BRINP3: variants seen among roughly 807,000 people sequenced by gnomAD.
BRINP3 encodes BMP/retinoic acid inducible neural specific 3, also known as BMP/retinoic acid-inducible neural-specific protein 3.
BRINP3 carries 19 observed loss-of-function variants against 71.0 expected under a neutral mutation model. The ratio of observed to expected loss-of-function variants is 0.27; its 90% confidence interval spans 0.19 to 0.39. The LOEUF (loss-of-function observed/expected upper bound fraction) is 0.39. Among genes scored for constraint, BRINP3 ranks in the 10% least tolerant of loss-of-function variants. The pLI is 1.00. For missense variants in BRINP3, 959 were observed against 940.8 expected (o/e 1.02, Z -0.25); for synonymous variants, 380 against 337.7 (o/e 1.13, Z -1.37).
chr1:190,131,801 G>A (rs564572929), intron 7 of BRINP3, among the ~76,000 whole-genome samples: 2 of 151,922 alleles, frequency 1.3e-5, no homozygotes, highest in African/African-American at 4.8e-5. Context: ...CTTTTTCTTT[G>A]AATTTATGAG....
At chr1:190,380,987 C>T (rs966348936) in intron 2 of BRINP3, among the ~76,000 whole-genome samples, 19 of 151,798 alleles carry the variant, frequency 1.3e-4, no homozygotes, top group African/African-American at 4.6e-4. Flanking sequence ...TATTTTTTAC[C>T]ATTGAGAAAT....
At chr1:190,099,447 C>T (rs143006699) in intron 7 of BRINP3, among the ~76,000 whole-genome samples, 139 of 152,222 alleles carry the variant, frequency 9.1e-4, no homozygotes, top group African/African-American at 3.3e-3. Flanking sequence ...CATGCTATCT[C>T]ATTAGTGCAC....
chr1:190,193,181 T>C (rs1265575491), intron 6 of BRINP3, among the ~76,000 whole-genome samples: 1 of 152,070 alleles, frequency 6.6e-6, no homozygotes, highest in African/African-American at 2.4e-5. Flanking sequence ...CTTAATGGGC[T>C]TCCTTAGAAG....
At chr1:190,330,225 A>G (rs1666876128) in intron 2 of BRINP3, among the ~76,000 whole-genome samples, 1 of 151,996 alleles carries the variant, frequency 6.6e-6, no homozygotes, top group Non-Finnish European at 1.5e-5. Context: ...AAAATATTCA[A>G]GAACTATGCA....
intron 2 of BRINP3, among the ~76,000 whole-genome samples, chr1:190,403,211 A>G (rs1236229506): frequency 6.6e-6 from 1 of 152,222 alleles, no homozygotes; most frequent in Non-Finnish European, 1.5e-5. Flanking sequence ...TTAATATTGT[A>G]TTTGCCTAGA....
chr1:190,345,638 G>A (rs1318789168), intron 2 of BRINP3, among the ~76,000 whole-genome samples: 1 of 146,668 alleles, frequency 6.8e-6, no homozygotes, highest in East Asian at 2.0e-4. Context: ...GCTAAAACTA[G>A]CTAGCCTAAC....
intron 2 of BRINP3, among the ~76,000 whole-genome samples, chr1:190,343,478 G>A (rs1203929592): frequency 6.6e-6 from 1 of 151,708 alleles, no homozygotes; most frequent in Non-Finnish European, 1.5e-5. Context: ...TTACTTAACT[G>A]TAAAATTGGA....
chr1:190,291,901 T>C (rs1379185294), intron 2 of BRINP3, among the ~76,000 whole-genome samples: 4 of 152,116 alleles, frequency 2.6e-5, no homozygotes, highest in African/African-American at 9.7e-5. Flanking sequence ...CCTGTGACCA[T>C]TGGTGAAAGA....
At chr1:190,188,898 T>G (rs2102564142) in intron 6 of BRINP3, among the ~76,000 whole-genome samples, 1 of 152,062 alleles carries the variant, frequency 6.6e-6, no homozygotes, top group African/African-American at 2.4e-5. Context: ...GTAGCTCCAA[T>G]TACAGGAGCT....
intron 2 of BRINP3, among the ~76,000 whole-genome samples, chr1:190,365,977 C>A (rs937966475): frequency 6.6e-6 from 1 of 151,622 alleles, no homozygotes; most frequent in Non-Finnish European, 1.5e-5. Flanking sequence ...AAAGAAATAA[C>A]ACAAACCTTC....
At chr1:190,330,426 A>G (rs1299875309) in intron 2 of BRINP3, among the ~76,000 whole-genome samples, 2 of 152,050 alleles carry the variant, frequency 1.3e-5, no homozygotes, top group African/African-American at 4.8e-5. Context: ...CAAAACCGCA[A>G]TGAGATACCA....
chr1:190,250,645 C>A (rs1362492988), intron 4 of BRINP3, among the ~76,000 whole-genome samples: 1 of 151,940 alleles, frequency 6.6e-6, no homozygotes, highest in African/African-American at 2.4e-5. Context: ...AAGAGACTCT[C>A]CAAGTACTGA....
chr1:190,364,086 T>G (rs1025402337), intron 2 of BRINP3, among the ~76,000 whole-genome samples: 1 of 152,136 alleles, frequency 6.6e-6, no homozygotes, highest in Non-Finnish European at 1.5e-5. Context: ...GTATCTCTGA[T>G]AAAATTTTCA....
chr1:190,315,251 C>T (rs1571723880), intron 2 of BRINP3, among the ~76,000 whole-genome samples: 1 of 152,036 alleles, frequency 6.6e-6, no homozygotes, highest in South Asian at 2.1e-4. Context: ...CATGGAAATA[C>T]TTTGAGAAAC....
At chr1:190,373,696 T>C (rs1012726447) in intron 2 of BRINP3, among the ~76,000 whole-genome samples, 8 of 151,774 alleles carry the variant, frequency 5.3e-5, no homozygotes, top group Admixed American at 2.0e-4. Flanking sequence ...CATTCCCAGT[T>C]GAGGCCTAAC....
chr1:190,279,900 C>A (rs1474663510), intron 3 of BRINP3, among the ~76,000 whole-genome samples: 5 of 151,688 alleles, frequency 3.3e-5, no homozygotes, highest in African/African-American at 1.2e-4. Context: ...TTTGGATGAC[C>A]TCAATCTCCT....
chr1:190,444,637 C>A (rs1240407686), intron 2 of BRINP3, among the ~76,000 whole-genome samples: 9 of 151,968 alleles, frequency 5.9e-5, no homozygotes, highest in Non-Finnish European at 1.2e-4. Flanking sequence ...CAGGTTCAAG[C>A]GATTCTCCCG....
At chr1:190,223,632 C>T (rs1021053870) in intron 6 of BRINP3, among the ~76,000 whole-genome samples, 1 of 151,838 alleles carries the variant, frequency 6.6e-6, no homozygotes, top group African/African-American at 2.4e-5. Context: ...AGAATGCTTA[C>T]TTTCACCACT....
At chr1:190,268,383 G>A (rs1392532037) in intron 3 of BRINP3, among the ~76,000 whole-genome samples, 1 of 151,992 alleles carries the variant, frequency 6.6e-6, no homozygotes, top group Non-Finnish European at 1.5e-5. Flanking sequence ...GCTGCCATGA[G>A]CCACTCCACC....
Sources: gnomAD v4.1 joint callset for allele counts (sites outside exome capture counted in the v4.1 genomes callset) on GRCh38, gnomAD v4.1.1 for gene constraint, MANE v1.5 for transcripts, NCBI Gene and HGNC (gene_info 2026-07-23, HGNC 2026-07-21) for gene names.